Variants in TANK observed in about 807,000 individuals in gnomAD.
The protein encoded by TANK is TRAF family member associated NFKB activator, also known as TRAF family member-associated NF-kappa-B activator.
A neutral mutation model predicts 43.6 loss-of-function variants in TANK; 15 were observed. The observed-to-expected ratio is 0.34, with a 90% confidence interval of 0.23 to 0.53. The LOEUF (loss-of-function observed/expected upper bound fraction) is 0.53, where lower values mean the gene tolerates loss of function less well. Ranked by LOEUF, TANK falls within the 20% of genes least tolerant of loss-of-function variation. The probability of loss-of-function intolerance (pLI) is 0.94; values close to 1 mark genes in which losing one functional copy is unlikely to be tolerated. For missense variants in TANK, 417 were observed against 498.6 expected, an observed-to-expected ratio of 0.84 and a Z score of 1.56; for synonymous variants, 162 against 178.2, an observed-to-expected ratio of 0.91 and a Z score of 0.73.
chr2:161,139,851 T>TA (rs1373979205), intron 1 of TANK: 2 of 985,326 alleles, frequency 2.0e-6, no homozygotes, highest in Non-Finnish European at 2.4e-6. Flanking sequence ...CTTCTTCCTA[T>TA]TATGACAGTG....
At chr2:161,211,657 A>T in intron 4 of TANK, 1 of 401,204 alleles carries the variant, frequency 2.5e-6, no homozygotes, top group Non-Finnish European at 3.4e-6. Flanking sequence ...ATGTAATTGC[A>T]TGTGTTTGTT....
chr2:161,181,424 A>AAAC (rs1010318898), intron 2 of TANK, among the ~76,000 whole-genome samples: 2 of 152,082 alleles, frequency 1.3e-5, no homozygotes, highest in Admixed American at 6.6e-5. Context: ...CCATCTCAAA[A>AAAC]AACAACAACA....
intron 1 of TANK, among the ~76,000 whole-genome samples, chr2:161,141,048 C>CT (rs1427389121): frequency 6.6e-6 from 1 of 151,992 alleles, no homozygotes; most frequent in Admixed American, 6.6e-5. Flanking sequence ...TATTTTTTCC[C>CT]TTTTTAAAAT....
intron 1 of TANK, among the ~76,000 whole-genome samples, chr2:161,162,137 A>G (rs1251501732): frequency 1.3e-5 from 2 of 152,226 alleles, no homozygotes; most frequent in Admixed American, 6.5e-5. Flanking sequence ...AATATAGTAA[A>G]TTCTCAAGTG....
At chr2:161,139,691 C>T (rs940645998) in intron 1 of TANK, 34 of 985,230 alleles carry the variant, frequency 3.5e-5, no homozygotes, top group African/African-American at 3.3e-4. Context: ...GCTTAGACAC[C>T]TCTTCTCTAT....
At position 161,151,852 on chromosome 2, in the gene TANK, C is replaced by T. The variant is rs76995024; in HGVS notation, c.-50+14789C>T. On this transcript the variant is annotated intron_variant, in intron 1 of 7. Transcript: ENST00000259075. ...TATGTTCTATACCATTTTTCTATTT[C>T]TCACTTCTTCCAATACTGTCTTATT... 8.4e-4 allele frequency among the ~76,000 whole-genome samples: 128 copies of T among 152,176 alleles called. No homozygotes were observed. The East Asian group carries it at 0.023, about 27-fold the overall frequency.
intron 1 of TANK, among the ~76,000 whole-genome samples, chr2:161,145,445 T>G (rs1270542995): frequency 6.6e-6 from 1 of 151,860 alleles, no homozygotes; most frequent in Non-Finnish European, 1.5e-5. Context: ...ATGTTGATAT[T>G]TTGGTGTGTT....
intron 4 of TANK, among the ~76,000 whole-genome samples, chr2:161,206,975 A>G (rs1686679859): frequency 6.6e-6 from 1 of 152,150 alleles, no homozygotes; most frequent in South Asian, 2.1e-4. Flanking sequence ...CTTGGTTAGA[A>G]CAAAAGGGAT....
At chr2:161,193,980 A>G (rs115846093) in intron 2 of TANK, among the ~76,000 whole-genome samples, 2,233 of 152,306 alleles carry the variant, frequency 0.015, 26 homozygotes, top group Non-Finnish European at 0.023. Context: ...AGTTTCAAGT[A>G]TCACAAGACT....
upstream of TANK, chr2:161,155,942 CA>C (rs1234760224): frequency 7.6e-6 from 5 of 653,798 alleles, no homozygotes; most frequent in East Asian, 5.4e-4. Flanking sequence ...CAAATATTCC[CA>C]AAATATTCAC....
At chr2:161,230,927 G>T in intron 6 of TANK, 44 bp from the exon 7 acceptor site, 4 of 1,457,078 alleles carry the variant, frequency 2.7e-6, no homozygotes, top group Non-Finnish European at 3.8e-6. Flanking sequence ...TTTTTTTAAT[G>T]ATTTGAATGC....
At chr2:161,158,341 G>A (rs1684278871), upstream of TANK, among the ~76,000 whole-genome samples, 1 of 152,156 alleles carries the variant, frequency 6.6e-6, no homozygotes, top group South Asian at 2.1e-4. Context: ...TCTAACCTTT[G>A]TAAAACATAC....
chr2:161,167,290 G>C (rs182896958), intron 1 of TANK, among the ~76,000 whole-genome samples: 19 of 152,312 alleles, frequency 1.2e-4, no homozygotes, highest in Non-Finnish European at 1.5e-4. Context: ...TCAAAGCTCA[G>C]ATGTTCTGGT....
At chr2:161,212,343 G>A (rs1427443839) in intron 4 of TANK, 1 of 979,854 alleles carries the variant, frequency 1.0e-6, no homozygotes, top group Non-Finnish European at 1.2e-6. Flanking sequence ...TTACAGGTGT[G>A]TGCCACTGTG....
At chr2:161,207,859 T>C (rs1686716385) in intron 4 of TANK, 1 of 985,208 alleles carries the variant, frequency 1.0e-6, no homozygotes, top group East Asian at 1.1e-4. Context: ...GAAGGCATTA[T>C]AGAGAAATGG....
At chr2:161,230,522 G>A (rs1361191990) in intron 6 of TANK, among the ~76,000 whole-genome samples, 1 of 152,162 alleles carries the variant, frequency 6.6e-6, no homozygotes, top group East Asian at 1.9e-4. Flanking sequence ...AAACTGATTA[G>A]TGATATACTT....
Position 161,179,641 on chromosome 2 carries a change from T to G in TANK, c.-22T>G. The G allele has an allele frequency of 6.2e-7, 1 of 1,612,416 alleles. No individual in the cohort carries two copies. The highest frequency in any genetic ancestry group is 1.3e-5 in the African/African-American group (1 of 74,964). On this transcript the variant is annotated 5_prime_UTR_variant, in exon 2 of 8. Transcript: ENST00000392749. ...CTGTCATTTACTCCATCCTTTATAG[T>G]GATGCTACAGGACGAAGAGGAATGG...
chr2:161,235,716 C>A lies in TANK; in HGVS notation c.*198C>A. The A allele has an allele frequency of 4.6e-6, 2 of 431,774 alleles. No individual in the cohort carries two copies. Among genetic ancestry groups the A allele is most frequent in the South Asian group, 5.8e-5 (1 of 17,216 alleles). The allele number at this position is 431,774 out of a possible 1,614,324, so 26.7% of individuals were successfully genotyped here. A position where few individuals can be genotyped will look rare whatever the true frequency, so the allele number is the denominator to read the frequency against. ...TCTGTTCTTTCAAGGAGAAATAAGCCTAAAAGAAGAAAAACAAAAAAAATT... is the reference window on the plus strand; with the variant it reads ...TCTGTTCTTTCAAGGAGAAATAAGCATAAAAGAAGAAAAACAAAAAAAATT... On this transcript the variant is annotated 3_prime_UTR_variant, in exon 8 of 8. Transcript: ENST00000392749.
chr2:161,223,596 C>T (rs1181869173), intron 4 of TANK: 2 of 178,580 alleles, frequency 1.1e-5, no homozygotes, highest in African/African-American at 4.7e-5. Context: ...GTATGAGGTG[C>T]TTGGTGAACA....
Sources: allele counts gnomAD v4.1 joint callset (sites outside exome capture counted in the v4.1 genomes callset), GRCh38; gene constraint gnomAD v4.1.1; transcripts MANE v1.5; gene names NCBI Gene and HGNC (gene_info 2026-07-23, HGNC 2026-07-21).